Variants in CDH13 observed in about 807,000 individuals in gnomAD.
CDH13 encodes cadherin 13.
A neutral mutation model predicts 63.8 loss-of-function variants in CDH13; 24 were observed. That is an observed-to-expected ratio of 0.38 (90% CI 0.27 to 0.53). The LOEUF is 0.53. Among genes scored for constraint, CDH13 ranks in the 20% least tolerant of loss-of-function variants. The pLI, the probability that CDH13 is intolerant of heterozygous loss-of-function variation, is 0.85. For missense variants in CDH13, 1,049 were observed against 903.1 expected (o/e 1.16, Z -2.07); for synonymous variants, 503 against 355.3 (o/e 1.42, Z -4.67).
At chr16:83,329,922 A>G (rs1343516672) in intron 5 of CDH13, among the ~76,000 whole-genome samples, 1 of 152,206 alleles carries the variant, frequency 6.6e-6, no homozygotes, top group Non-Finnish European at 1.5e-5. Context: ...TTATCCATTC[A>G]TCTGCTAATG....
intron 2 of CDH13, among the ~76,000 whole-genome samples, chr16:82,949,979 T>C (rs1294486815): frequency 6.6e-6 from 1 of 152,022 alleles, no homozygotes; most frequent in Non-Finnish European, 1.5e-5. Flanking sequence ...CAAAAGGAAT[T>C]CACAATGGTT....
At chr16:82,681,060 G>C (rs559204153) in intron 1 of CDH13, among the ~76,000 whole-genome samples, 50 of 152,314 alleles carry the variant, frequency 3.3e-4, no homozygotes, top group South Asian at 6.2e-4. Flanking sequence ...GTCTGTTCTG[G>C]CATGGCAAAG....
chr16:83,256,188 C>T (rs1906237156), intron 5 of CDH13, among the ~76,000 whole-genome samples: 1 of 152,018 alleles, frequency 6.6e-6, no homozygotes, highest in South Asian at 2.1e-4. Context: ...CGTGTGCCAC[C>T]ATGACCAGCT....
At chr16:82,892,373 G>A (rs1360806085) in intron 2 of CDH13, among the ~76,000 whole-genome samples, 1 of 152,176 alleles carries the variant, frequency 6.6e-6, no homozygotes, top group Non-Finnish European at 1.5e-5. Context: ...ATTGGTTCGG[G>A]ATGACATTTG....
intron 12 of CDH13, among the ~76,000 whole-genome samples, chr16:83,782,410 T>A (rs1915588973): frequency 6.6e-6 from 1 of 151,342 alleles, no homozygotes; most frequent in African/African-American, 2.4e-5. Context: ...CCCACCCAAA[T>A]GTAGAGCTGT....
rs535763788 is a variant in CDH13 at position 83,346,162 on chromosome 16, G to C, written c.781+1156G>C. Reference sequence around the variant, plus strand: ...GTAAAAATGAAAGCAAATGCACTGCGTGTGTGCTGGAGGGTGTTTAGGGGA... The same window carrying C: ...GTAAAAATGAAAGCAAATGCACTGCCTGTGTGCTGGAGGGTGTTTAGGGGA... On this transcript the variant is annotated intron_variant, in intron 6 of 13. Transcript: ENST00000567109. Among the ~76,000 whole-genome samples, 5 of 152,298 alleles carry C rather than the reference G, an allele frequency of 3.3e-5. No homozygotes were observed. The East Asian group carries it at 5.8e-4, about 18-fold the overall frequency.
chr16:83,132,807 T>A (rs2036118172), intron 4 of CDH13, among the ~76,000 whole-genome samples: 1 of 152,196 alleles, frequency 6.6e-6, no homozygotes. Context: ...AAAATTGGAA[T>A]ACAGAGTATC....
intron 2 of CDH13, among the ~76,000 whole-genome samples, chr16:82,929,807 A>C (rs2042426958): frequency 6.6e-6 from 1 of 151,936 alleles, no homozygotes; most frequent in South Asian, 2.1e-4. Context: ...AAAGCCACCC[A>C]GTCAATCATA....
chr16:82,649,789 G>A (rs1910512692), intron 1 of CDH13, among the ~76,000 whole-genome samples: 1 of 152,190 alleles, frequency 6.6e-6, no homozygotes, highest in Non-Finnish European at 1.5e-5. Context: ...GCCTGGGTTT[G>A]AGTCTCAACT....
chr16:83,678,522 G>C, intron 10 of CDH13, 61 bp downstream of exon 10: 2 of 1,596,252 alleles, frequency 1.3e-6, no homozygotes, highest in Non-Finnish European at 1.7e-6. Context: ...TTCCTTTCCA[G>C]TCGCAGAAGC....
chr16:83,731,178 C>G (rs561651830), intron 10 of CDH13, among the ~76,000 whole-genome samples: 1 of 152,178 alleles, frequency 6.6e-6, no homozygotes, highest in South Asian at 2.1e-4. Context: ...GGATAAACAC[C>G]CAGTAGTAGG....
chr16:83,646,394 A>C (rs1911797198), intron 8 of CDH13, among the ~76,000 whole-genome samples: 1 of 152,054 alleles, frequency 6.6e-6, no homozygotes, highest in South Asian at 2.1e-4. Flanking sequence ...GCAGGGCTCA[A>C]CTTTCTTTAG....
chr16:83,418,001 T>G (rs9319442), intron 6 of CDH13, among the ~76,000 whole-genome samples: 2 of 151,888 alleles, frequency 1.3e-5, no homozygotes, highest in Non-Finnish European at 2.9e-5. Flanking sequence ...GGAAAATGTG[T>G]CTTTTCTGTT....
At chr16:82,987,960 G>C (rs776750637) in intron 2 of CDH13, among the ~76,000 whole-genome samples, 1 of 152,136 alleles carries the variant, frequency 6.6e-6, no homozygotes, top group Non-Finnish European at 1.5e-5. Context: ...ACAGTGCCTC[G>C]TCTCATTGTT....
chr16:83,093,253 T>C (rs1475455042), intron 3 of CDH13, among the ~76,000 whole-genome samples: 2 of 150,312 alleles, frequency 1.3e-5, no homozygotes, highest in Non-Finnish European at 3.0e-5. Flanking sequence ...ATTTCTCCAG[T>C]TGAACACATT....
chr16:83,741,645 A>G (rs191951511), intron 10 of CDH13, among the ~76,000 whole-genome samples: 2 of 152,214 alleles, frequency 1.3e-5, no homozygotes, highest in East Asian at 1.9e-4. Context: ...GCTCTGCTAT[A>G]TTGCATTGAT....
intron 7 of CDH13, among the ~76,000 whole-genome samples, chr16:83,589,435 G>T (rs1478788709): frequency 6.7e-6 from 1 of 149,118 alleles, no homozygotes. Context: ...TGATGTTTCT[G>T]CCTCCCTCTC....
intron 2 of CDH13, among the ~76,000 whole-genome samples, chr16:82,984,165 A>G (rs1057330066): frequency 6.6e-6 from 1 of 152,226 alleles, no homozygotes; most frequent in Non-Finnish European, 1.5e-5. Context: ...AAGGGCTTGA[A>G]AGGAAGAGCA....
intron 5 of CDH13, among the ~76,000 whole-genome samples, chr16:83,304,224 A>G (rs536133770): frequency 6.6e-6 from 1 of 152,154 alleles, no homozygotes; most frequent in Non-Finnish European, 1.5e-5. Context: ...AGAAACTGGG[A>G]ACACGCTGAA....
Sources: allele counts gnomAD v4.1 joint callset (sites outside exome capture counted in the v4.1 genomes callset), GRCh38; gene constraint gnomAD v4.1.1; transcripts MANE v1.5; gene names NCBI Gene and HGNC (gene_info 2026-07-23, HGNC 2026-07-21).